GDAP1: variants seen among roughly 807,000 people sequenced by gnomAD.
GDAP1 encodes ganglioside induced differentiation associated protein 1, also known as ganglioside-induced differentiation-associated protein 1.
GDAP1 carries 34 observed loss-of-function variants against 40.1 expected under a neutral mutation model. That is an observed-to-expected ratio of 0.85 (90% CI 0.64 to 1.13). The LOEUF (loss-of-function observed/expected upper bound fraction) is 1.13, where lower values mean the gene tolerates loss of function less well. GDAP1 is among the 50% of genes most tolerant of loss of function. The pLI is 0.00. For missense variants in GDAP1, 374 were observed against 433.7 expected, an observed-to-expected ratio of 0.86 and a Z score of 1.22; for synonymous variants, 170 against 157.4, an observed-to-expected ratio of 1.08 and a Z score of -0.60.
At chr8:74,475,869 CT>C (rs1170823064) in intron 2 of GDAP1, among the ~76,000 whole-genome samples, 1 of 152,100 alleles carries the variant, frequency 6.6e-6, no homozygotes, top group African/African-American at 2.4e-5. Context: ...CTGTCTAATA[CT>C]GTCAATGGGG....
At chr8:74,462,475 G>T (rs920208273) in intron 2 of GDAP1, among the ~76,000 whole-genome samples, 4 of 152,166 alleles carry the variant, frequency 2.6e-5, no homozygotes, top group African/African-American at 9.7e-5. Context: ...GACATGTAGA[G>T]TTGAACAGGG....
rs1415047765 is a variant in GDAP1 at position 74,364,106 on chromosome 8, GCGA to G, written c.818_820del (p.Arg273del). On this transcript the variant is annotated inframe_deletion, in exon 6 of 6. Coordinates refer to ENST00000220822, the MANE Select transcript of GDAP1 (RefSeq NM_018972.4). ...CAAGGAGAAACTGGGGAAACGGAAAGCGACCAAACTTGGAAACCTATTACGAGC... is the reference window on the plus strand; with the variant it reads ...CAAGGAGAAACTGGGGAAACGGAAAGCCAAACTTGGAAACCTATTACGAGC... The G allele has an allele frequency of 6.2e-7, 1 of 1,614,074 alleles. No homozygotes were observed. The highest frequency in any genetic ancestry group is 8.5e-7 in the Non-Finnish European group (1 of 1,180,040).
chr8:74,414,327 A>G (rs1228654904), intron 2 of GDAP1, among the ~76,000 whole-genome samples: 1 of 150,236 alleles, frequency 6.7e-6, no homozygotes, highest in Admixed American at 6.6e-5. Flanking sequence ...TGTTGGGATA[A>G]TAAAGATGTT....
intron 2 of GDAP1, among the ~76,000 whole-genome samples, chr8:74,465,875 T>C (rs1158812495): frequency 6.6e-6 from 1 of 152,152 alleles, no homozygotes; most frequent in Non-Finnish European, 1.5e-5. Flanking sequence ...ATTTATTAAA[T>C]AGTTATGAGC....
chr8:74,422,321 CT>C (rs1313919202), intron 2 of GDAP1, among the ~76,000 whole-genome samples: 1 of 51,762 alleles, frequency 1.9e-5, no homozygotes, highest in Non-Finnish European at 3.3e-5. Context: ...TTCTTTCTTT[CT>C]TTCTTTCTTT....
At chr8:74,422,338 TTTCTTTCTTTCTTCCC>T (rs1303305700) in intron 2 of GDAP1, among the ~76,000 whole-genome samples, 70 of 58,780 alleles carry the variant, frequency 1.2e-3, no homozygotes, top group African/African-American at 3.7e-3. Flanking sequence ...TCTTTCTTTC[TTTCTTTCTTTCTTCCC>T]TTCCTTCCTT....
intron 2 of GDAP1, among the ~76,000 whole-genome samples, chr8:74,415,937 C>G (rs1158296112): frequency 6.7e-6 from 1 of 149,686 alleles, no homozygotes; most frequent in Non-Finnish European, 1.5e-5. Context: ...GGGATGATCC[C>G]CCTTTGCCAG....
downstream of GDAP1, among the ~76,000 whole-genome samples, chr8:74,370,170 G>A (rs1217638383): frequency 6.6e-6 from 1 of 152,052 alleles, no homozygotes; most frequent in African/African-American, 2.4e-5. Flanking sequence ...GCAAATAATG[G>A]GTACATATAA....
chr8:74,398,945 G>A (rs572506975), intron 2 of GDAP1, among the ~76,000 whole-genome samples: 9 of 152,050 alleles, frequency 5.9e-5, no homozygotes, highest in Non-Finnish European at 1.0e-4. Flanking sequence ...GCTGGATTTG[G>A]TTTGCCAGTA....
At chr8:74,359,346 T>C (rs1428803218) in intron 2 of GDAP1, among the ~76,000 whole-genome samples, 1 of 152,214 alleles carries the variant, frequency 6.6e-6, no homozygotes, top group Non-Finnish European at 1.5e-5. Flanking sequence ...TGTCAAACAT[T>C]ATACTAGGCA....
chr8:74,474,366 G>T (rs962995287), intron 2 of GDAP1, among the ~76,000 whole-genome samples: 1 of 152,082 alleles, frequency 6.6e-6, no homozygotes, highest in Non-Finnish European at 1.5e-5. Context: ...TCTTTGTCTT[G>T]TGCTGATTTT....
chr8:74,478,729 C>T (rs769075398), intron 2 of GDAP1, among the ~76,000 whole-genome samples: 3 of 152,290 alleles, frequency 2.0e-5, no homozygotes, highest in East Asian at 1.9e-4. Flanking sequence ...CTCTGGGCTC[C>T]GCACCAGCTG....
At chr8:74,477,636 C>A (rs1806648128) in intron 2 of GDAP1, among the ~76,000 whole-genome samples, 1 of 152,110 alleles carries the variant, frequency 6.6e-6, no homozygotes, top group Non-Finnish European at 1.5e-5. Flanking sequence ...TTCTCTGGCT[C>A]CTTAAGGTTA....
At chr8:74,415,910 C>A (rs543505332) in intron 2 of GDAP1, among the ~76,000 whole-genome samples, 1 of 149,544 alleles carries the variant, frequency 6.7e-6, no homozygotes, top group South Asian at 2.1e-4. Context: ...TTGAGATTCT[C>A]AATATAATCT....
chr8:74,461,546 C>T (rs1806400436), intron 2 of GDAP1, among the ~76,000 whole-genome samples: 1 of 152,122 alleles, frequency 6.6e-6, no homozygotes, highest in Non-Finnish European at 1.5e-5. Context: ...CAAAAAAATT[C>T]GGAAGAAAAG....
intron 2 of GDAP1, among the ~76,000 whole-genome samples, chr8:74,387,005 G>A (rs1810035640): frequency 2.0e-5 from 3 of 152,194 alleles, no homozygotes; most frequent in African/African-American, 7.2e-5. Context: ...GTATAGGAAT[G>A]CTTGTGATTT....
chr8:74,393,765 A>G (rs1267996394), intron 2 of GDAP1, among the ~76,000 whole-genome samples: 1 of 152,118 alleles, frequency 6.6e-6, no homozygotes, highest in Non-Finnish European at 1.5e-5. Context: ...AAGTTTTGCA[A>G]TACTCAAGTG....
chr8:74,371,916 C>G (rs922641375), intron 2 of GDAP1, among the ~76,000 whole-genome samples: 1 of 148,130 alleles, frequency 6.8e-6, no homozygotes, highest in African/African-American at 2.5e-5. Context: ...AATGCTACCC[C>G]TCCCCCCCCA....
chr8:74,428,242 CAACAACAACAAT>C (rs1805976285), intron 2 of GDAP1, among the ~76,000 whole-genome samples: 1 of 149,254 alleles, frequency 6.7e-6, no homozygotes, highest in Admixed American at 6.6e-5. Context: ...ACAACAACAA[CAACAACAACAAT>C]AACAACAACA....
Sources: gnomAD v4.1 joint callset for allele counts (sites outside exome capture counted in the v4.1 genomes callset) on GRCh38, gnomAD v4.1.1 for gene constraint, MANE v1.5 for transcripts, NCBI Gene and HGNC (gene_info 2026-07-23, HGNC 2026-07-21) for gene names.